AK5: variants seen among roughly 807,000 people sequenced by gnomAD.
The protein encoded by AK5 is adenylate kinase isoenzyme 5.
A neutral mutation model predicts 69.5 loss-of-function variants in AK5; 27 were observed. That is an observed-to-expected ratio of 0.39 (90% CI 0.29 to 0.54). The LOEUF (loss-of-function observed/expected upper bound fraction) is 0.54, where lower values mean the gene tolerates loss of function less well. Ranked by LOEUF, AK5 falls within the 20% of genes least tolerant of loss-of-function variation. The probability of loss-of-function intolerance (pLI) is 0.71; values close to 1 mark genes in which losing one functional copy is unlikely to be tolerated. For missense variants in AK5, 531 were observed against 700.4 expected, an observed-to-expected ratio of 0.76 and a Z score of 2.73; for synonymous variants, 260 against 244.4, an observed-to-expected ratio of 1.06 and a Z score of -0.60.
intron 6 of AK5, among the ~76,000 whole-genome samples, chr1:77,407,271 G>C (rs753393013): frequency 1.3e-3 from 202 of 152,290 alleles, no homozygotes; most frequent in Admixed American, 3.4e-3. Context: ...TGAGATGACA[G>C]ATATCCAGGA....
chr1:77,545,334 G>A (rs1659486663), intron 13 of AK5, among the ~76,000 whole-genome samples: 1 of 152,040 alleles, frequency 6.6e-6, no homozygotes. Context: ...CAACCATGGT[G>A]GGGGAGGGCT....
intron 6 of AK5, among the ~76,000 whole-genome samples, chr1:77,383,434 G>A (rs1647790586): frequency 6.6e-6 from 1 of 152,066 alleles, no homozygotes; most frequent in Non-Finnish European, 1.5e-5. Context: ...GTAATAAACT[G>A]AAAGCTATGT....
chr1:77,390,606 A>T (rs1432521882), intron 6 of AK5, among the ~76,000 whole-genome samples: 2 of 152,266 alleles, frequency 1.3e-5, no homozygotes, highest in Non-Finnish European at 2.9e-5. Context: ...ACATGGAACC[A>T]GGGAGATCAT....
intron 10 of AK5, among the ~76,000 whole-genome samples, chr1:77,501,731 C>G (rs945188170): frequency 2.0e-5 from 3 of 152,100 alleles, no homozygotes; most frequent in African/African-American, 7.2e-5. Context: ...TGGAAGGATG[C>G]AAATATAGAA....
At chr1:77,396,135 C>T (rs1364008622) in intron 6 of AK5, among the ~76,000 whole-genome samples, 3 of 152,148 alleles carry the variant, frequency 2.0e-5, no homozygotes, top group Non-Finnish European at 4.4e-5. Flanking sequence ...ATTCTTCTGC[C>T]ATTTTAGTGG....
chr1:77,363,788 T>C (rs1646905519), intron 6 of AK5, among the ~76,000 whole-genome samples: 1 of 152,188 alleles, frequency 6.6e-6, no homozygotes, highest in African/African-American at 2.4e-5. Context: ...TGTTACCTTC[T>C]CATTGAGATC....
rs377643834 is a variant in AK5, at chr1:77,436,433, A to T, written c.1059+18718A>T. Among the ~76,000 whole-genome samples, 4 of 151,782 alleles carry T rather than the reference A, an allele frequency of 2.6e-5. No individual in the cohort carries two copies. In the South Asian group the frequency reaches 8.3e-4, roughly 31 times the overall value. On this transcript the variant is annotated intron_variant, in intron 8 of 13. Coordinates refer to ENST00000354567, the MANE Select transcript of AK5 (RefSeq NM_174858.3). ...TTGAACTGTTCCATATCAGTATTTT[A>T]TATATAAGAATGATTTTATAATTTT...
At position 77,554,532 on chromosome 1, in the gene AK5, C is replaced by G. The variant is rs115215865; in HGVS notation, c.1621-4070C>G. On this transcript the variant is annotated intron_variant, in intron 13 of 13. Transcript: ENST00000354567. ...GAAGCACACTGAGGGCAATCCCAGG[C>G]ACGCCTCATACAGGGCTCTTTGCCT... Among the ~76,000 whole-genome samples the G allele has an allele frequency of 2.7e-3, 414 of 152,310 alleles. 1 individual carries two copies. Among genetic ancestry groups the G allele is most frequent in the Non-Finnish European group, 4.4e-3 (302 of 68,022 alleles).
chr1:77,418,620 A>AC, intron 8 of AK5, among the ~76,000 whole-genome samples: 1 of 152,158 alleles, frequency 6.6e-6, no homozygotes, highest in Non-Finnish European at 1.5e-5. Context: ...AAATGAGCCA[A>AC]CCCCCTAATT....
intron 10 of AK5, among the ~76,000 whole-genome samples, chr1:77,501,180 G>A (rs1656696850): frequency 6.6e-6 from 1 of 152,244 alleles, no homozygotes; most frequent in Non-Finnish European, 1.5e-5. Flanking sequence ...CACAGCAGTA[G>A]GGCTATGCCC....
At chr1:77,326,273 T>C (rs2100339923) in intron 5 of AK5, among the ~76,000 whole-genome samples, 1 of 152,288 alleles carries the variant, frequency 6.6e-6, no homozygotes, top group South Asian at 2.1e-4. Flanking sequence ...ATGAATTTCT[T>C]TGGAGACAGT....
At chr1:77,517,127 C>T (rs1423139721) in intron 10 of AK5, among the ~76,000 whole-genome samples, 7 of 149,740 alleles carry the variant, frequency 4.7e-5, no homozygotes, top group South Asian at 4.2e-4. Flanking sequence ...GAGGTAAAGT[C>T]GGACTAGATT....
At chr1:77,488,250 C>T (rs565903610) in intron 10 of AK5, among the ~76,000 whole-genome samples, 57 of 152,192 alleles carry the variant, frequency 3.7e-4, no homozygotes, top group South Asian at 6.3e-4. Context: ...ACGTTTTTTT[C>T]AGAAAGTAAA....
chr1:77,353,972 C>CT (rs1346547966), intron 6 of AK5, among the ~76,000 whole-genome samples: 1 of 152,136 alleles, frequency 6.6e-6, no homozygotes, highest in Non-Finnish European at 1.5e-5. Flanking sequence ...TAAATTGCAC[C>CT]TGCCTTTCCA....
chr1:77,349,319 G>A (rs908364047), intron 6 of AK5: 5 of 152,072 alleles, frequency 3.3e-5, no homozygotes, highest in Admixed American at 2.6e-4. Context: ...AACAGAAAAT[G>A]TTTCACATAC....
chr1:77,410,795 T>G (rs577347022), intron 6 of AK5, among the ~76,000 whole-genome samples, 186 bp from the exon 7 acceptor site: 1 of 152,338 alleles, frequency 6.6e-6, no homozygotes, highest in South Asian at 2.1e-4. Context: ...CCTAATACTC[T>G]TCTCTGTTCG....
intron 6 of AK5, among the ~76,000 whole-genome samples, chr1:77,385,381 G>C (rs374942662): frequency 6.6e-6 from 1 of 152,016 alleles, no homozygotes. Flanking sequence ...GGATGGTCTC[G>C]ATCTCCTGAT....
At chr1:77,351,927 CTTTTT>C (rs10658959) in intron 6 of AK5, among the ~76,000 whole-genome samples, 2 of 138,170 alleles carry the variant, frequency 1.4e-5, no homozygotes, top group Non-Finnish European at 3.0e-5. Context: ...GCAAGTAATT[CTTTTT>C]TTTTTTTTTT....
chr1:77,499,077 G>A (rs2100251003), intron 10 of AK5, among the ~76,000 whole-genome samples: 1 of 152,272 alleles, frequency 6.6e-6, no homozygotes, highest in East Asian at 1.9e-4. Flanking sequence ...TTTACCATAG[G>A]AGATCATTTT....
Sources: gnomAD v4.1 joint callset for allele counts (sites outside exome capture counted in the v4.1 genomes callset) on GRCh38, gnomAD v4.1.1 for gene constraint, MANE v1.5 for transcripts, NCBI Gene and HGNC (gene_info 2026-07-23, HGNC 2026-07-21) for gene names.